LCP2: variants seen among roughly 807,000 people sequenced by gnomAD.
The protein encoded by LCP2 is lymphocyte cytosolic protein 2.
A neutral mutation model predicts 74.5 loss-of-function variants in LCP2; 29 were observed. The observed-to-expected ratio is 0.39, with a 90% CI of 0.29 to 0.53. The LOEUF (loss-of-function observed/expected upper bound fraction) is 0.53. Ranked by LOEUF, LCP2 falls within the 20% of genes least tolerant of loss-of-function variation. LCP2 has a pLI of 0.72. For synonymous variants in LCP2, 228 were observed against 229.5 expected, an observed-to-expected ratio of 0.99 and a Z score of 0.06; for missense variants, 604 against 634.6, an observed-to-expected ratio of 0.95 and a Z score of 0.52.
intron 6 of LCP2, among the ~76,000 whole-genome samples, chr5:170,271,463 G>A (rs1216742258): frequency 6.6e-6 from 1 of 152,154 alleles, no homozygotes; most frequent in Non-Finnish European, 1.5e-5. Context: ...GACCGTCAGA[G>A]GCTGTGCTGT....
At chr5:170,297,237 T>G (rs1431628529) in intron 1 of LCP2, among the ~76,000 whole-genome samples, 3 of 152,136 alleles carry the variant, frequency 2.0e-5, no homozygotes. Flanking sequence ...AATGCTGACC[T>G]CACAACATAG....
chr5:170,291,536 T>C (rs564803028), intron 2 of LCP2, among the ~76,000 whole-genome samples: 16 of 152,346 alleles, frequency 1.1e-4, no homozygotes, highest in African/African-American at 3.8e-4. Flanking sequence ...GAAGGACTGA[T>C]AGAGGACTGA....
chr5:170,275,381 G>C (rs776000778), intron 4 of LCP2, 30 bp from the exon 5 acceptor site: 1 of 1,613,486 alleles, frequency 6.2e-7, no homozygotes. Context: ...TGCATTAATG[G>C]TCTTCTCGAT....
intron 7 of LCP2, among the ~76,000 whole-genome samples, chr5:170,270,147 G>A (rs1761871292): frequency 6.6e-6 from 1 of 152,226 alleles, no homozygotes; most frequent in African/African-American, 2.4e-5. Context: ...TCTAAGCACT[G>A]AGAATGGGGC....
At chr5:170,289,287 G>A (rs1762235984) in intron 2 of LCP2, among the ~76,000 whole-genome samples, 1 of 152,244 alleles carries the variant, frequency 6.6e-6, no homozygotes, top group Non-Finnish European at 1.5e-5. Flanking sequence ...TGGTGGGGAA[G>A]CAGCAGGGGT....
Position 170,247,218 on chromosome 5 carries a change from A to G in LCP2, c.*1479T>C, listed in dbSNP as rs1380292312. 1 of 152,210 alleles carries G rather than the reference A, an allele frequency of 6.6e-6. No individual in the cohort carries two copies. The highest frequency in any genetic ancestry group is 1.9e-4 in the East Asian group (1 of 5,194). The allele number at this position is 152,210 out of a possible 1,614,324, so 9.4% of individuals were successfully genotyped here. Reference sequence around the variant, plus strand: ...TGAATAGCCCGTTGTGTAGACGTGTAAATGAATGCAGGGTTTTCAGCCTTA... The same window carrying G: ...TGAATAGCCCGTTGTGTAGACGTGTGAATGAATGCAGGGTTTTCAGCCTTA... On this transcript the variant is annotated 3_prime_UTR_variant, in exon 21 of 21. Coordinates refer to ENST00000046794, the MANE Select transcript of LCP2 (RefSeq NM_005565.5).
At chr5:170,269,711 G>T (rs1761859510) in intron 7 of LCP2, among the ~76,000 whole-genome samples, 1 of 152,160 alleles carries the variant, frequency 6.6e-6, no homozygotes, top group Non-Finnish European at 1.5e-5. Flanking sequence ...TAACCTCATG[G>T]CTCATTTGTT....
chr5:170,287,360 G>T (rs1197441984), intron 3 of LCP2, among the ~76,000 whole-genome samples: 1 of 152,188 alleles, frequency 6.6e-6, no homozygotes, highest in Non-Finnish European at 1.5e-5. Flanking sequence ...CACCTGCCTG[G>T]CTCCTGTAGG....
intron 11 of LCP2, 28 bp downstream of exon 11, chr5:170,262,939 A>G (rs1261318567): frequency 6.2e-7 from 1 of 1,614,060 alleles, no homozygotes; most frequent in Non-Finnish European, 8.5e-7. Context: ...ACAAACAAAC[A>G]CAACCAAAAA....
rs1238377450 is a variant in LCP2, at chr5:170,274,348, G to A, written c.287-10C>T. ...TCCTCTTCGTGGCTTTCTGTGGAAG[G>A]AGATGACACCACCATCAGCACTGAA... On this transcript the variant is annotated splice_polypyrimidine_tract_variant and intron_variant, in intron 5 of 20. Coordinates refer to ENST00000046794, the MANE Select transcript of LCP2 (RefSeq NM_005565.5). 1 of 1,612,538 alleles carries A rather than the reference G, an allele frequency of 6.2e-7. No homozygotes were observed. Among genetic ancestry groups the A allele is most frequent in the Non-Finnish European group, 8.5e-7 (1 of 1,179,364 alleles).
intron 10 of LCP2, among the ~76,000 whole-genome samples, chr5:170,266,149 G>A (rs1761751072): frequency 6.6e-6 from 1 of 152,170 alleles, no homozygotes; most frequent in Admixed American, 6.5e-5. Flanking sequence ...TGGTAGCTAA[G>A]AATTGAATTG....
intron 1 of LCP2, among the ~76,000 whole-genome samples, chr5:170,296,927 C>T (rs13164877): frequency 0.051 from 7,725 of 152,242 alleles, 276 homozygotes; most frequent in South Asian, 0.066. Flanking sequence ...CTTGAGGACC[C>T]CCCTTAGGGT....
intron 6 of LCP2, among the ~76,000 whole-genome samples, chr5:170,271,604 T>A: frequency 6.6e-6 from 1 of 152,282 alleles, no homozygotes; most frequent in Non-Finnish European, 1.5e-5. Context: ...TTGCTTCTTC[T>A]TGGATCTCAG....
intron 2 of LCP2, among the ~76,000 whole-genome samples, chr5:170,289,687 T>TCTCTC (rs1561978487): frequency 2.9e-4 from 25 of 85,960 alleles, no homozygotes; most frequent in African/African-American, 8.8e-4. Context: ...CTCTCTCTCT[T>TCTCTC]TCTTTCTTTC....
chr5:170,248,587 A>C lies in LCP2; in HGVS notation c.*110T>G. The C allele has an allele frequency of 5.3e-6, 6 of 1,135,676 alleles. No individual in the cohort carries two copies. Among genetic ancestry groups the C allele is most frequent in the Non-Finnish European group, 7.7e-6 (6 of 776,160 alleles). The allele number at this position is 1,135,676 out of a possible 1,614,324, so 70.3% of individuals were successfully genotyped here. On this transcript the variant is annotated 3_prime_UTR_variant, in exon 21 of 21. Coordinates refer to ENST00000046794, the MANE Select transcript of LCP2 (RefSeq NM_005565.5). The stretch of plus-strand genomic sequence containing the variant: ...AGGAAAGGATAAAACCCTTGTGTTC[A>C]TGGGGAGGGGTTCAGTTCAGTCCTA...
At chr5:170,278,539 T>G (rs974470040) in intron 3 of LCP2, among the ~76,000 whole-genome samples, 9 of 145,044 alleles carry the variant, frequency 6.2e-5, no homozygotes, top group South Asian at 2.2e-4. Flanking sequence ...AGGGGTGGGA[T>G]GCGGTTGCCA....
intron 3 of LCP2, among the ~76,000 whole-genome samples, chr5:170,286,837 T>C (rs997924430): frequency 2.0e-5 from 3 of 152,194 alleles, no homozygotes; most frequent in Non-Finnish European, 4.4e-5. Context: ...TACTTCCCTT[T>C]TATTATGATG....
chr5:170,265,875 G>A (rs940974219), intron 10 of LCP2, among the ~76,000 whole-genome samples: 2 of 152,204 alleles, frequency 1.3e-5, no homozygotes, highest in African/African-American at 4.8e-5. Context: ...TCAGACTCAT[G>A]TAGTTCACAG....
At chr5:170,251,729 T>C (rs1374038078) in intron 19 of LCP2, 1 of 450,970 alleles carries the variant, frequency 2.2e-6, no homozygotes, top group Non-Finnish European at 4.5e-6. Flanking sequence ...CAAATTAGAA[T>C]TACCTGGGAA....
Sources: allele counts gnomAD v4.1 joint callset (sites outside exome capture counted in the v4.1 genomes callset), GRCh38; gene constraint gnomAD v4.1.1; transcripts MANE v1.5; gene names NCBI Gene and HGNC (gene_info 2026-07-23, HGNC 2026-07-21).